Variants in KCNAB1 observed in about 807,000 individuals in gnomAD.
The protein encoded by KCNAB1 is voltage-gated potassium channel subunit beta-1.
In KCNAB1, 35 loss-of-function variants were observed where a neutral mutation model predicts 64.6. The ratio of observed to expected loss-of-function variants is 0.54; its 90% CI spans 0.41 to 0.72. KCNAB1 has a LOEUF of 0.72. Among genes scored for constraint, KCNAB1 ranks in the 30% least tolerant of loss-of-function variants. The probability of loss-of-function intolerance (pLI) is 0.00; values close to 1 mark genes in which losing one functional copy is unlikely to be tolerated. For missense variants in KCNAB1, 401 were observed against 512.9 expected, an observed-to-expected ratio of 0.78 and a Z score of 2.11; for synonymous variants, 177 against 183.8, an observed-to-expected ratio of 0.96 and a Z score of 0.30.
Position 156,261,075 on chromosome 3 carries a change from A to G in KCNAB1, c.275+140189A>G, listed in dbSNP as rs182558744. On this transcript the variant is annotated intron_variant, in intron 1 of 13. Coordinates refer to ENST00000490337, the MANE Select transcript of KCNAB1 (RefSeq NM_172160.3). ...AAATGTCTACTAAAATCTTTCATCC[A>G]GTTTTTTTAGTTGGGTTACATATCT... 7.4e-4 allele frequency among the ~76,000 whole-genome samples: 113 copies of G among 152,104 alleles called. 1 individual carries two copies. Among genetic ancestry groups the G allele is most frequent in the African/African-American group, 2.6e-3 (108 of 41,532 alleles).
chr3:156,418,045 TA>T (rs1715208244), intron 1 of KCNAB1, among the ~76,000 whole-genome samples: 2 of 152,246 alleles, frequency 1.3e-5, no homozygotes. Context: ...GAGGAGCTTT[TA>T]TTTTGAGTTG....
At chr3:156,186,719 G>A (rs902704949) in intron 1 of KCNAB1, among the ~76,000 whole-genome samples, 1 of 152,134 alleles carries the variant, frequency 6.6e-6, no homozygotes, top group African/African-American at 2.4e-5. Context: ...TCTACAAGGT[G>A]ATGTGTGCTT....
chr3:156,141,235 T>C (rs1714687112), intron 1 of KCNAB1, among the ~76,000 whole-genome samples: 1 of 152,114 alleles, frequency 6.6e-6, no homozygotes, highest in Non-Finnish European at 1.5e-5. Flanking sequence ...CCCCTGCCCT[T>C]ATTCAGATTT....
chr3:156,285,151 A>G (rs1337987262), intron 1 of KCNAB1, among the ~76,000 whole-genome samples: 1 of 152,180 alleles, frequency 6.6e-6, no homozygotes, highest in Non-Finnish European at 1.5e-5. Context: ...CACATTTTTA[A>G]TATTAGTGAT....
At chr3:156,528,186 AAAGAG>A (rs1276999200) in intron 12 of KCNAB1, among the ~76,000 whole-genome samples, 7 of 151,268 alleles carry the variant, frequency 4.6e-5, no homozygotes, top group Non-Finnish European at 1.5e-5. Context: ...AAAAAAAAAA[AAAGAG>A]AGAGAAAGAT....
chr3:156,191,708 T>C (rs1187502370), intron 1 of KCNAB1, among the ~76,000 whole-genome samples: 3 of 152,196 alleles, frequency 2.0e-5, no homozygotes, highest in East Asian at 1.9e-4. Flanking sequence ...CTTTTTCCCA[T>C]TGATATAATG....
chr3:156,421,321 G>A (rs959526769), intron 1 of KCNAB1, among the ~76,000 whole-genome samples: 10 of 152,176 alleles, frequency 6.6e-5, no homozygotes, highest in African/African-American at 1.9e-4. Context: ...ATTCTAGAAG[G>A]AGAGAGAAAG....
intron 1 of KCNAB1, among the ~76,000 whole-genome samples, chr3:156,346,007 A>G (rs932190190): frequency 1.3e-5 from 2 of 152,090 alleles, no homozygotes; most frequent in African/African-American, 4.8e-5. Context: ...CTTAAATTAG[A>G]TGAATATTTA....
chr3:156,507,459 A>T (rs1716900090), intron 8 of KCNAB1, among the ~76,000 whole-genome samples: 1 of 152,226 alleles, frequency 6.6e-6, no homozygotes, highest in African/African-American at 2.4e-5. Flanking sequence ...CTCATGATCC[A>T]TACTAAGGAT....
intron 1 of KCNAB1, among the ~76,000 whole-genome samples, chr3:156,348,007 A>G (rs919069135): frequency 2.6e-5 from 4 of 152,194 alleles, no homozygotes; most frequent in Non-Finnish European, 5.9e-5. Flanking sequence ...AGATAGGGAG[A>G]ACAGGACACA....
intron 1 of KCNAB1, among the ~76,000 whole-genome samples, chr3:156,175,680 T>A (rs1450495803): frequency 6.6e-6 from 1 of 152,192 alleles, no homozygotes; most frequent in African/African-American, 2.4e-5. Context: ...ACGGGGAGCT[T>A]GCCTTAGTCA....
At chr3:156,475,219 A>C (rs1714253746) in intron 8 of KCNAB1, among the ~76,000 whole-genome samples, 1 of 152,184 alleles carries the variant, frequency 6.6e-6, no homozygotes, top group Non-Finnish European at 1.5e-5. Flanking sequence ...ATTAGTTTCC[A>C]GTCTGTGGTA....
chr3:156,149,355 C>G (rs1715251325), intron 1 of KCNAB1, among the ~76,000 whole-genome samples: 1 of 152,038 alleles, frequency 6.6e-6, no homozygotes, highest in South Asian at 2.1e-4. Flanking sequence ...TGGTACATTA[C>G]TACGGACTAT....
chr3:156,248,880 G>T (rs1252572728), intron 1 of KCNAB1, among the ~76,000 whole-genome samples: 1 of 152,086 alleles, frequency 6.6e-6, no homozygotes, highest in South Asian at 2.1e-4. Context: ...CCAGGTGGCC[G>T]AGTGTAGAGG....
At chr3:156,404,309 A>G (rs1398721225) in intron 1 of KCNAB1, among the ~76,000 whole-genome samples, 2 of 152,082 alleles carry the variant, frequency 1.3e-5, no homozygotes, top group African/African-American at 4.8e-5. Context: ...TCTTTACTGC[A>G]TAACTGAGTA....
intron 1 of KCNAB1, among the ~76,000 whole-genome samples, chr3:156,213,215 CTTT>C (rs5853744): frequency 7.0e-6 from 1 of 142,906 alleles, no homozygotes; most frequent in Non-Finnish European, 1.5e-5. Context: ...GTCTCTTTCA[CTTT>C]TTTTTTTTTT....
chr3:156,488,620 G>A (rs977289965), intron 8 of KCNAB1, among the ~76,000 whole-genome samples: 6 of 152,100 alleles, frequency 3.9e-5, no homozygotes, highest in Admixed American at 1.3e-4. Context: ...AAAAAGTGAC[G>A]TGACTTGACT....
At chr3:156,124,672 C>T (rs2108255759) in intron 1 of KCNAB1, among the ~76,000 whole-genome samples, 1 of 151,954 alleles carries the variant, frequency 6.6e-6, no homozygotes, top group Middle Eastern at 3.4e-3. Context: ...CTCATTATAC[C>T]TTCTCACTGG....
intron 12 of KCNAB1, chr3:156,524,218 CA>C (rs1718139860): frequency 3.3e-6 from 1 of 301,796 alleles, no homozygotes; most frequent in East Asian, 6.8e-5. Context: ...TCACAGATGT[CA>C]GGGGTGAACT....
Sources: allele counts gnomAD v4.1 joint callset (sites outside exome capture counted in the v4.1 genomes callset), GRCh38; gene constraint gnomAD v4.1.1; transcripts MANE v1.5; gene names NCBI Gene and HGNC (gene_info 2026-07-23, HGNC 2026-07-21).